MYO5C: variants seen among roughly 807,000 people sequenced by gnomAD.
MYO5C encodes unconventional myosin-Vc.
A neutral mutation model predicts 235.7 loss-of-function variants in MYO5C; 194 were observed. The ratio of observed to expected loss-of-function variants is 0.82; its 90% CI spans 0.73 to 0.93. The LOEUF is 0.93. Among genes scored for constraint, MYO5C ranks in the 40% least tolerant of loss-of-function variants. MYO5C has a pLI of 0.00. For missense variants in MYO5C, 2,038 were observed against 2,127.2 expected, an observed-to-expected ratio of 0.96 and a Z score of 0.82; for synonymous variants, 707 against 754.8, an observed-to-expected ratio of 0.94 and a Z score of 1.04.
Position 52,269,815 on chromosome 15 carries a change from A to G in MYO5C, c.878T>C (p.Val293Ala). The change falls in exon 8 of 41, where the codon GTC becomes GCC. Residue 293 changes from valine (V) to alanine (A), a missense_variant. Physicochemically the swap from Val to Ala is moderately conservative, Grantham distance 64. Coordinates refer to ENST00000261839, the MANE Select transcript of MYO5C (RefSeq NM_018728.4). Reference sequence around the variant, plus strand: ...AGCTCGATCATTCACACCCTCAATGACAGTATTGCCTCCCATTCTTGTATA... The same window carrying G: ...AGCTCGATCATTCACACCCTCAATGGCAGTATTGCCTCCCATTCTTGTATA... ...FNYTRMGGNT[V>A]IEGVNDRAEM... 1 of 1,613,726 alleles carries G rather than the reference A, an allele frequency of 6.2e-7. No individual in the cohort carries two copies. Among genetic ancestry groups the G allele is most frequent in the Non-Finnish European group, 8.5e-7 (1 of 1,179,846 alleles).
intron 38 of MYO5C, 132 bp from the exon 39 acceptor site, chr15:52,196,615 G>A: frequency 3.9e-6 from 3 of 777,826 alleles, no homozygotes; most frequent in African/African-American, 1.7e-5. Flanking sequence ...TCTGCAAAAT[G>A]AGGGAGTTGG....
intron 1 of MYO5C, among the ~76,000 whole-genome samples, chr15:52,291,278 G>A (rs2037382813): frequency 6.6e-6 from 1 of 152,182 alleles, no homozygotes. Flanking sequence ...TGGATGCTGA[G>A]GGTCTGGAAT....
chr15:52,270,870 A>G (rs566478946), intron 7 of MYO5C, among the ~76,000 whole-genome samples: 3 of 152,262 alleles, frequency 2.0e-5, no homozygotes, highest in Admixed American at 1.3e-4. Flanking sequence ...CCAAAATTAG[A>G]GAGTGTGAGT....
intron 10 of MYO5C, among the ~76,000 whole-genome samples, chr15:52,260,430 C>T (rs2036669723): frequency 6.6e-6 from 1 of 152,218 alleles, no homozygotes; most frequent in African/African-American, 2.4e-5. Context: ...GGGCTCCACA[C>T]CTCAGGGGCC....
intron 16 of MYO5C, among the ~76,000 whole-genome samples, chr15:52,246,608 C>T (rs1300538718): frequency 6.6e-6 from 1 of 152,208 alleles, no homozygotes; most frequent in Non-Finnish European, 1.5e-5. Flanking sequence ...GACAAATGTT[C>T]TGACCTTCTA....
At chr15:52,204,766 T>C (rs2035263652) in intron 38 of MYO5C, 99 bp downstream of exon 38, 1 of 1,407,240 alleles carries the variant, frequency 7.1e-7, no homozygotes, top group Non-Finnish European at 9.5e-7. Flanking sequence ...AACAGGGGTT[T>C]GACGCCACAG....
chr15:52,268,101 CTT>C (rs2036849254), intron 8 of MYO5C, among the ~76,000 whole-genome samples: 1 of 152,204 alleles, frequency 6.6e-6, no homozygotes, highest in Non-Finnish European at 1.5e-5. Context: ...AGAAAACCAT[CTT>C]GTTTTCATTC....
At chr15:52,225,390 G>T in intron 26 of MYO5C, 49 bp downstream of exon 26, 1 of 1,417,194 alleles carries the variant, frequency 7.1e-7, no homozygotes, top group South Asian at 1.2e-5. Flanking sequence ...ACACAGCTAT[G>T]ATAAATTCAG....
At chr15:52,272,783 T>C (rs747124261) in intron 5 of MYO5C, 60 bp from the exon 6 acceptor site, 247 of 1,564,964 alleles carry the variant, frequency 1.6e-4, no homozygotes, top group Non-Finnish European at 2.1e-4. Context: ...CTCAAAATTA[T>C]TGGAGGGGTT....
chr15:52,235,638 G>A, intron 23 of MYO5C, 32 bp downstream of exon 23: 2 of 1,530,656 alleles, frequency 1.3e-6, no homozygotes, highest in Non-Finnish European at 1.8e-6. Context: ...CTAAATCAGT[G>A]AATGTCTGGA....
rs139746463 is a variant in MYO5C, at chr15:52,221,511, T to C, written c.3628-256A>G. ...AGGGAGAGAAGGATGTGTACATGTATAGAAATCCTATGCTGAGTTGAGGGA... is the reference window on the plus strand; with the variant it reads ...AGGGAGAGAAGGATGTGTACATGTACAGAAATCCTATGCTGAGTTGAGGGA... On this transcript the variant is annotated intron_variant, in intron 29 of 40. Transcript: ENST00000261839. 4.8e-3 allele frequency among the ~76,000 whole-genome samples: 737 copies of C among 152,274 alleles called. 14 individuals carry two copies. Among genetic ancestry groups the C allele is most frequent in the Admixed American group, 0.026 (396 of 15,312 alleles).
intron 32 of MYO5C, 21 bp from the exon 33 acceptor site, chr15:52,214,711 C>G (rs745919246): frequency 3.9e-6 from 6 of 1,525,254 alleles, no homozygotes; most frequent in Middle Eastern, 1.8e-4. Flanking sequence ...AAAAAGAAAC[C>G]AGGATTTAGC....
At chr15:52,248,602 A>ACC in intron 14 of MYO5C, 98 bp downstream of exon 14, 1 of 845,316 alleles carries the variant, frequency 1.2e-6, no homozygotes, top group Non-Finnish European at 2.0e-6. Context: ...ACACACACAC[A>ACC]CACACTCTCT....
chr15:52,244,333 T>A (rs747053200), intron 19 of MYO5C, 23 bp downstream of exon 19: 1 of 1,606,356 alleles, frequency 6.2e-7, no homozygotes, highest in African/African-American at 1.3e-5. Flanking sequence ...CAGTTCCACA[T>A]GTGTTCCTTG....
chr15:52,242,374 G>C, intron 19 of MYO5C, 161 bp from the exon 20 acceptor site: 1 of 734,172 alleles, frequency 1.4e-6, no homozygotes, highest in Non-Finnish European at 2.2e-6. Context: ...GCCTACTTGA[G>C]GCCAGTCCCC....
intron 8 of MYO5C, 34 bp from the exon 9 acceptor site, chr15:52,264,330 G>T: frequency 1.3e-6 from 2 of 1,505,350 alleles, no homozygotes; most frequent in Non-Finnish European, 1.8e-6. Flanking sequence ...TTAGAATACT[G>T]CATCTCTTCT....
chr15:52,211,064 T>G (rs1157021789), intron 35 of MYO5C, among the ~76,000 whole-genome samples: 1 of 152,184 alleles, frequency 6.6e-6, no homozygotes. Flanking sequence ...TGTCCAGTCA[T>G]TCCAATAAGG....
chr15:52,255,773 A>C (rs1014806199), intron 11 of MYO5C, among the ~76,000 whole-genome samples: 3 of 152,212 alleles, frequency 2.0e-5, no homozygotes, highest in Non-Finnish European at 4.4e-5. Context: ...CATTTACTCA[A>C]CATTTTTTAA....
At chr15:52,251,177 G>T in intron 13 of MYO5C, 1 of 358,722 alleles carries the variant, frequency 2.8e-6, no homozygotes, top group Non-Finnish European at 4.9e-6. Context: ...CAGAAGTGTG[G>T]TCTTCTAACA....
Sources: allele counts gnomAD v4.1 joint callset (sites outside exome capture counted in the v4.1 genomes callset), GRCh38; gene constraint gnomAD v4.1.1; transcripts MANE v1.5; gene names NCBI Gene and HGNC (gene_info 2026-07-23, HGNC 2026-07-21).